L3MBTL4: variants seen among roughly 807,000 people sequenced by gnomAD.
L3MBTL4 encodes the protein lethal(3)malignant brain tumor-like protein 4.
L3MBTL4 carries 70 observed loss-of-function variants against 84.5 expected under a neutral mutation model. That is an observed-to-expected ratio of 0.83 (90% CI 0.68 to 1.01). L3MBTL4 has a LOEUF of 1.01. Among genes scored for constraint, L3MBTL4 ranks in the 50% least tolerant of loss-of-function variants. The pLI is 0.00. For missense variants in L3MBTL4, 715 were observed against 754.8 expected (o/e 0.95, Z 0.62); for synonymous variants, 274 against 259.8 (o/e 1.05, Z -0.52).
chr18:6,148,889 A>G (rs2042765932), intron 13 of L3MBTL4, among the ~76,000 whole-genome samples: 1 of 152,176 alleles, frequency 6.6e-6, no homozygotes, highest in African/African-American at 2.4e-5. Context: ...AGGGTTTTTA[A>G]TGTGAATACT....
rs146747550 is a variant in L3MBTL4, at chr18:6,376,954, C to T, written c.-91+37847G>A. On this transcript the variant is annotated intron_variant, in intron 1 of 18. Transcript: ENST00000317931. ...TACAAAAGGTGATACACAGTGCCAA[C>T]TATCTAAGGACATTAGTAACGCTGA... 2.9e-3 allele frequency among the ~76,000 whole-genome samples: 449 copies of T among 152,292 alleles called. 1 individual carries two copies. The highest frequency in any genetic ancestry group is 4.2e-3 in the Non-Finnish European group (288 of 68,032).
chr18:5,989,277 T>G (rs547667588), intron 16 of L3MBTL4, among the ~76,000 whole-genome samples: 1 of 152,206 alleles, frequency 6.6e-6, no homozygotes, highest in Admixed American at 6.5e-5. Context: ...CAATCATGTA[T>G]GTGACCAAAC....
chr18:6,027,255 A>C (rs2055552406), intron 16 of L3MBTL4, among the ~76,000 whole-genome samples: 2 of 152,054 alleles, frequency 1.3e-5, no homozygotes, highest in Non-Finnish European at 2.9e-5. Flanking sequence ...CTCATTGTTC[A>C]ACTCCCACCT....
Position 6,333,178 on chromosome 18 carries a change from G to A in L3MBTL4, c.-90-21122C>T, listed in dbSNP as rs1262837448. 1.3e-5 allele frequency among the ~76,000 whole-genome samples: 2 copies of A among 151,818 alleles called. 1 individual carries two copies. Among genetic ancestry groups the A allele is most frequent in the Admixed American group, 1.3e-4 (2 of 15,242 alleles). On this transcript the variant is annotated intron_variant, in intron 1 of 18. Transcript: ENST00000317931. ...AATTAAGAGCTGCCACAAAATAAAA[G>A]TATGAAAACTTTCAAGGGTAGGAAT...
chr18:6,032,128 C>A, intron 16 of L3MBTL4: 1 of 256,818 alleles, frequency 3.9e-6, no homozygotes, highest in Non-Finnish European at 7.1e-6. Context: ...TAGGCACCCG[C>A]CACCACGCCT....
intron 16 of L3MBTL4, among the ~76,000 whole-genome samples, chr18:5,991,389 C>G (rs1362574792): frequency 2.0e-5 from 3 of 152,156 alleles, no homozygotes; most frequent in Non-Finnish European, 4.4e-5. Context: ...GAGTCTGTCT[C>G]TTATTCAGTC....
chr18:6,036,879 G>A (rs1189561458), intron 16 of L3MBTL4, among the ~76,000 whole-genome samples: 1 of 152,002 alleles, frequency 6.6e-6, no homozygotes, highest in Non-Finnish European at 1.5e-5. Flanking sequence ...TACCTTTCCC[G>A]GGCCATACAT....
intron 1 of L3MBTL4, among the ~76,000 whole-genome samples, chr18:6,399,361 C>T (rs1293670719): frequency 2.0e-5 from 3 of 151,764 alleles, no homozygotes; most frequent in East Asian, 1.9e-4. Context: ...CGCCTGAACC[C>T]GGGAGGCAGA....
At chr18:6,167,767 C>G (rs1014030965) in intron 13 of L3MBTL4, among the ~76,000 whole-genome samples, 1 of 152,150 alleles carries the variant, frequency 6.6e-6, no homozygotes, top group Non-Finnish European at 1.5e-5. Context: ...AAAACTGGCA[C>G]AAGACAGGGA....
At position 6,151,346 on chromosome 18, in the gene L3MBTL4, TG is replaced by T. The variant is rs373732257; in HGVS notation, c.1097-13051del. Among the ~76,000 whole-genome samples, 573 of 152,344 alleles carry T rather than the reference TG, an allele frequency of 3.8e-3. 3 individuals carry two copies. The highest frequency in any genetic ancestry group is 0.013 in the African/African-American group (538 of 41,582). ...TTGCAGATCTGTACTTTTTTGACTC[TG>T]CTATGATACACAATAAGCAACTGCT... On this transcript the variant is annotated intron_variant, in intron 13 of 18. Transcript: ENST00000317931.
At chr18:6,227,551 A>G (rs1306636230) in intron 10 of L3MBTL4, among the ~76,000 whole-genome samples, 2 of 152,210 alleles carry the variant, frequency 1.3e-5, no homozygotes, top group Non-Finnish European at 2.9e-5. Flanking sequence ...TTCAAGAATA[A>G]ATAATACTAA....
intron 4 of L3MBTL4, among the ~76,000 whole-genome samples, chr18:6,278,681 C>A (rs998861789): frequency 5.3e-5 from 8 of 152,042 alleles, no homozygotes; most frequent in African/African-American, 1.9e-4. Context: ...AGATAAAGAT[C>A]AGTGCTGCTG....
intron 14 of L3MBTL4, among the ~76,000 whole-genome samples, chr18:6,095,087 T>C (rs2058587437): frequency 1.3e-5 from 2 of 152,232 alleles, no homozygotes; most frequent in South Asian, 2.1e-4. Flanking sequence ...GTACAATTTA[T>C]AATAAGAATT....
chr18:6,398,348 C>T (rs973694822), intron 1 of L3MBTL4, among the ~76,000 whole-genome samples: 2 of 152,088 alleles, frequency 1.3e-5, no homozygotes, highest in Admixed American at 6.5e-5. Context: ...CAGGTTAAGA[C>T]AAAAGAATGC....
At chr18:6,006,868 A>G (rs2054512189) in intron 16 of L3MBTL4, among the ~76,000 whole-genome samples, 1 of 152,208 alleles carries the variant, frequency 6.6e-6, no homozygotes, top group Non-Finnish European at 1.5e-5. Flanking sequence ...AACAGTGTTG[A>G]ATCAGGGTAT....
intron 3 of L3MBTL4, among the ~76,000 whole-genome samples, chr18:6,311,266 T>C (rs1044569956): frequency 9.9e-5 from 15 of 152,050 alleles, no homozygotes; most frequent in African/African-American, 2.7e-4. Context: ...TGTAACCCCA[T>C]GCAGTTTACA....
intron 4 of L3MBTL4, among the ~76,000 whole-genome samples, chr18:6,279,641 T>C (rs2049239894): frequency 6.6e-6 from 1 of 152,156 alleles, no homozygotes; most frequent in East Asian, 1.9e-4. Flanking sequence ...ATGTAGTAGA[T>C]GTGGGGAAGG....
intron 1 of L3MBTL4, among the ~76,000 whole-genome samples, chr18:6,335,288 A>G (rs1173040230): frequency 6.6e-6 from 1 of 152,000 alleles, no homozygotes; most frequent in Admixed American, 6.6e-5. Flanking sequence ...ACAGGGTTTC[A>G]CCACATTGGC....
chr18:6,033,746 GATTACTAAA>G (rs2055961831), intron 16 of L3MBTL4, among the ~76,000 whole-genome samples: 2 of 152,002 alleles, frequency 1.3e-5, no homozygotes, highest in African/African-American at 4.8e-5. Flanking sequence ...GTTGCTATAG[GATTACTAAA>G]GTTACAGCAC....
Sources: gnomAD v4.1 joint callset for allele counts (sites outside exome capture counted in the v4.1 genomes callset) on GRCh38, gnomAD v4.1.1 for gene constraint, MANE v1.5 for transcripts, NCBI Gene and HGNC (gene_info 2026-07-23, HGNC 2026-07-21) for gene names.